Variants in SUPT3H observed in about 807,000 individuals in gnomAD.
The protein encoded by SUPT3H is transcription initiation protein SPT3 homolog.
SUPT3H carries 44 observed loss-of-function variants against 44.3 expected under a neutral mutation model. That is an observed-to-expected ratio of 0.99 (90% CI 0.78 to 1.28). SUPT3H has a LOEUF of 1.28. SUPT3H is among the 50% of genes most tolerant of loss of function. The pLI, the probability that SUPT3H is intolerant of heterozygous loss-of-function variation, is 0.00. For synonymous variants in SUPT3H, 124 were observed against 125.6 expected, an observed-to-expected ratio of 0.99 and a Z score of 0.09; for missense variants, 380 against 387.1, an observed-to-expected ratio of 0.98 and a Z score of 0.15.
At chr6:44,968,662 C>A (rs139641928) in intron 6 of SUPT3H, among the ~76,000 whole-genome samples, 292 of 152,152 alleles carry the variant, frequency 1.9e-3, no homozygotes, top group Non-Finnish European at 3.1e-3. Flanking sequence ...TTTCACAGAC[C>A]TTTCCTCTCC....
At chr6:45,049,486 A>G (rs1789935940) in intron 3 of SUPT3H, among the ~76,000 whole-genome samples, 1 of 152,096 alleles carries the variant, frequency 6.6e-6, no homozygotes, top group African/African-American at 2.4e-5. Context: ...AGGGGTATGG[A>G]TTTTCTAGGT....
At chr6:44,928,514 T>A (rs1367698538) in intron 10 of SUPT3H, among the ~76,000 whole-genome samples, 2 of 152,074 alleles carry the variant, frequency 1.3e-5, no homozygotes, top group Non-Finnish European at 1.5e-5. Flanking sequence ...TTTAATCTAA[T>A]GAATAGCTTG....
intron 2 of SUPT3H, among the ~76,000 whole-genome samples, chr6:45,303,273 C>T (rs1782439565): frequency 6.6e-6 from 1 of 152,110 alleles, no homozygotes; most frequent in Admixed American, 6.6e-5. Flanking sequence ...ATAGGTGGGA[C>T]TTAATTAAAC....
intron 2 of SUPT3H, among the ~76,000 whole-genome samples, chr6:45,179,838 C>T (rs1320970405): frequency 6.6e-6 from 1 of 152,200 alleles, no homozygotes; most frequent in Non-Finnish European, 1.5e-5. Context: ...CTCACCACTC[C>T]TATTCAACAT....
chr6:45,308,216 G>A (rs1031390716), intron 2 of SUPT3H, among the ~76,000 whole-genome samples: 6 of 152,040 alleles, frequency 3.9e-5, no homozygotes, highest in Non-Finnish European at 7.3e-5. Flanking sequence ...TAGCAAGGCA[G>A]GCCAACATGC....
chr6:45,120,439 A>AAC (rs1801486813), intron 2 of SUPT3H, among the ~76,000 whole-genome samples: 1 of 148,598 alleles, frequency 6.7e-6, no homozygotes, highest in East Asian at 1.9e-4. Flanking sequence ...AAAAAAAAAA[A>AAC]AAGACTATAT....
intron 9 of SUPT3H, among the ~76,000 whole-genome samples, chr6:44,946,231 C>T (rs1340172261): frequency 6.6e-6 from 1 of 152,164 alleles, no homozygotes; most frequent in Non-Finnish European, 1.5e-5. Flanking sequence ...AAGAGCTCTG[C>T]TGGAGAAGTA....
intron 2 of SUPT3H, among the ~76,000 whole-genome samples, chr6:45,154,087 A>AAAAAAAAAAAAC (rs70996303): frequency 0.63 from 71,187 of 113,012 alleles, 26,741 homozygotes; most frequent in Non-Finnish European, 0.71. Context: ...AAAAAAAAAA[A>AAAAAAAAAAAAC]AGCGCTTAGT....
intron 2 of SUPT3H, among the ~76,000 whole-genome samples, chr6:45,299,993 C>G (rs1005801208): frequency 6.6e-6 from 1 of 151,814 alleles, no homozygotes; most frequent in African/African-American, 2.4e-5. Context: ...CAAAACATAT[C>G]AATGGGAAAT....
intron 11 of SUPT3H, among the ~76,000 whole-genome samples, chr6:44,811,641 C>A (rs1017457709): frequency 1.3e-5 from 2 of 152,228 alleles, no homozygotes; most frequent in African/African-American, 4.8e-5. Flanking sequence ...CTGACAGGTT[C>A]TAGCTTGTCT....
chr6:45,344,779 T>G (rs899347796), intron 2 of SUPT3H, among the ~76,000 whole-genome samples: 2 of 152,106 alleles, frequency 1.3e-5, no homozygotes, highest in African/African-American at 4.8e-5. Flanking sequence ...GAAATATACT[T>G]GGTGGACCTA....
At chr6:44,933,067 C>T (rs1291090447) in intron 9 of SUPT3H, among the ~76,000 whole-genome samples, 1 of 152,050 alleles carries the variant, frequency 6.6e-6, no homozygotes, top group Non-Finnish European at 1.5e-5. Context: ...GTCATGAAAG[C>T]TTACTGAAAG....
intron 2 of SUPT3H, among the ~76,000 whole-genome samples, chr6:45,339,646 C>G (rs73444676): frequency 0.012 from 1,826 of 152,008 alleles, 38 homozygotes; most frequent in African/African-American, 0.042. Context: ...TGACTATAGC[C>G]AAAAACATTA....
chr6:45,019,341 T>C (rs1050844333), intron 4 of SUPT3H, among the ~76,000 whole-genome samples: 4 of 152,106 alleles, frequency 2.6e-5, no homozygotes, highest in Admixed American at 2.0e-4. Flanking sequence ...TTTGTGTGTC[T>C]ATTTCCTTCA....
At chr6:45,339,875 G>A (rs910599595) in intron 2 of SUPT3H, among the ~76,000 whole-genome samples, 7 of 151,932 alleles carry the variant, frequency 4.6e-5, no homozygotes, top group African/African-American at 1.4e-4. Flanking sequence ...TTTCATTGTC[G>A]AGCGTTTACT....
chr6:45,133,962 A>G (rs1188982543), intron 2 of SUPT3H, among the ~76,000 whole-genome samples: 1 of 152,138 alleles, frequency 6.6e-6, no homozygotes, highest in African/African-American at 2.4e-5. Flanking sequence ...CAAACCCCCA[A>G]TGTGATGTTA....
At chr6:45,348,998 T>C (rs1373313270) in intron 2 of SUPT3H, among the ~76,000 whole-genome samples, 1 of 152,190 alleles carries the variant, frequency 6.6e-6, no homozygotes, top group Non-Finnish European at 1.5e-5. Context: ...ACTTAGTAAA[T>C]GTTGAATAAA....
chr6:45,076,705 T>C (rs909397077), intron 3 of SUPT3H, among the ~76,000 whole-genome samples: 9 of 152,186 alleles, frequency 5.9e-5, no homozygotes, highest in African/African-American at 2.2e-4. Context: ...CCTTTGGCTG[T>C]CAAAATGATT....
At chr6:45,074,279 T>A (rs965798543) in intron 3 of SUPT3H, among the ~76,000 whole-genome samples, 15 of 152,088 alleles carry the variant, frequency 9.9e-5, no homozygotes, top group African/African-American at 3.6e-4. Context: ...CATATAACTA[T>A]AAAGATAATA....
Sources: gnomAD v4.1 joint callset for allele counts (sites outside exome capture counted in the v4.1 genomes callset) on GRCh38, gnomAD v4.1.1 for gene constraint, MANE v1.5 for transcripts, NCBI Gene and HGNC (gene_info 2026-07-23, HGNC 2026-07-21) for gene names.